AGPAT4: variants seen among roughly 807,000 people sequenced by gnomAD.
AGPAT4 encodes 1-acyl-sn-glycerol-3-phosphate acyltransferase delta.
AGPAT4 carries 15 observed loss-of-function variants against 48.0 expected under a neutral mutation model. The ratio of observed to expected loss-of-function variants is 0.31; its 90% CI spans 0.21 to 0.48. The LOEUF is 0.48. AGPAT4 is among the 20% of genes least tolerant of loss of function. The probability of loss-of-function intolerance (pLI) is 0.99; values close to 1 mark genes in which losing one functional copy is unlikely to be tolerated. For missense variants in AGPAT4, 314 were observed against 482.5 expected (o/e 0.65, Z 3.27); for synonymous variants, 178 against 198.7 (o/e 0.90, Z 0.88).
Position 161,197,493 on chromosome 6 carries a change from G to A in AGPAT4, c.179-31076C>T, listed in dbSNP as rs574742424. On this transcript the variant is annotated intron_variant, in intron 2 of 8. Coordinates refer to ENST00000320285, the MANE Select transcript of AGPAT4 (RefSeq NM_020133.3). The surrounding 1 kb of genome is among the most constrained non-coding windows in gnomAD (Gnocchi z 5.7). ...TAGCTGCCTCTTCCGACTCCCAAAT[G>A]CTCCCAATGCACCCAACAGGCTCTC... 6.6e-6 allele frequency among the ~76,000 whole-genome samples: 1 copy of A among 152,192 alleles called. No homozygotes were observed. The highest frequency in any genetic ancestry group is 2.1e-4 in the South Asian group (1 of 4,816).
rs1779250943 is a variant in AGPAT4 at position 161,141,577 on chromosome 6, CTTGT to C, written c.844-1961_844-1958del. ...GACAAGGGGGGTGATATTTTTGTGCCTTGTTTTTTTTTAAAAAAAAAACAGCTTT... is the reference window on the plus strand; with the variant it reads ...GACAAGGGGGGTGATATTTTTGTGCCTTTTTTTTAAAAAAAAAACAGCTTT... On this transcript the variant is annotated intron_variant, in intron 7 of 8. Coordinates refer to ENST00000320285, the MANE Select transcript of AGPAT4 (RefSeq NM_020133.3). The surrounding 1 kb of genome is among the most constrained non-coding windows in gnomAD (Gnocchi z 6.7). Among the ~76,000 whole-genome samples the C allele has an allele frequency of 6.6e-6, 1 of 151,196 alleles. No individual in the cohort carries two copies. The highest frequency in any genetic ancestry group is 1.5e-5 in the Non-Finnish European group (1 of 67,938).
chr6:161,167,866 C>T (rs1018685779), intron 2 of AGPAT4, among the ~76,000 whole-genome samples: 5 of 152,222 alleles, frequency 3.3e-5, no homozygotes, highest in African/African-American at 1.2e-4. Context: ...GCACCTAACA[C>T]ATAGTATGTG....
In AGPAT4 at chr6:161,223,114, C is replaced by A. The variant is rs1160913184; in HGVS notation, c.178+8922G>T. ...CTCCAGTCTAATCATCAACTCACTG[C>A]TCTACCATGCTGGGTCTATGAGCCT... On this transcript the variant is annotated intron_variant, in intron 2 of 8. Transcript: ENST00000320285. This position sits in a 1 kb window ranked among gnomAD's most constrained non-coding sequence, Gnocchi z 6.3. 6.6e-6 allele frequency among the ~76,000 whole-genome samples: 1 copy of A among 152,134 alleles called. No individual in the cohort carries two copies. The highest frequency in any genetic ancestry group is 1.5e-5 in the Non-Finnish European group (1 of 68,028).
rs938181186 is a variant in AGPAT4, at chr6:161,200,640, C to T, written c.178+31396G>A. Among the ~76,000 whole-genome samples the T allele has an allele frequency of 2.0e-5, 3 of 152,186 alleles. No individual in the cohort carries two copies. The highest frequency in any genetic ancestry group is 1.3e-4 in the Admixed American group (2 of 15,282). ...GGCACCTCTTCTTTTCTTCAATAAT[C>T]ATATTTACTATGTTGACTAGGGACA... On this transcript the variant is annotated intron_variant, in intron 2 of 8. Coordinates refer to ENST00000320285, the MANE Select transcript of AGPAT4 (RefSeq NM_020133.3). This position sits in a 1 kb window ranked among gnomAD's most constrained non-coding sequence, Gnocchi z 5.5.
At position 161,139,692 on chromosome 6, in the gene AGPAT4, TC is replaced by T; in HGVS notation, c.844-73del. ...GGCAGGTCCCTCCCGAGGCCCTGCT[TC>T]CAAGGGAATCGCAGAGATACACAGG... On this transcript the variant is annotated intron_variant, in intron 7 of 8. Coordinates refer to ENST00000320285, the MANE Select transcript of AGPAT4 (RefSeq NM_020133.3). The surrounding 1 kb of genome is among the most constrained non-coding windows in gnomAD (Gnocchi z 9.1). 7.3e-7 allele frequency: 1 copy of T among 1,370,298 alleles called. No homozygotes were observed. The highest frequency in any genetic ancestry group is 1.4e-5 in the South Asian group (1 of 72,720). 84.9% of individuals were successfully genotyped at this position (1,370,298 alleles called of 1,614,324 possible). A position where few individuals can be genotyped will look rare whatever the true frequency, so the allele number is the denominator to read the frequency against.
intron 2 of AGPAT4, among the ~76,000 whole-genome samples, chr6:161,176,886 C>T (rs1780444764): frequency 1.3e-5 from 2 of 152,090 alleles, no homozygotes; most frequent in African/African-American, 2.4e-5. Context: ...GATTTTATTT[C>T]TCCTTTACTT....
Position 161,249,148 on chromosome 6 carries a change from C to T in AGPAT4, c.-89-16846G>A. The stretch of plus-strand genomic sequence containing the variant: ...TTGAAACTGGACACCTTCCTTATGC[C>T]ATATACAAAAATTAACCCAAGATGG... On this transcript the variant is annotated intron_variant, in intron 1 of 8. Coordinates refer to ENST00000320285, the MANE Select transcript of AGPAT4 (RefSeq NM_020133.3). This position sits in a 1 kb window ranked among gnomAD's most constrained non-coding sequence, Gnocchi z 6.2. Among the ~76,000 whole-genome samples the T allele has an allele frequency of 6.6e-6, 1 of 152,258 alleles. No homozygotes were observed. Among genetic ancestry groups the T allele is most frequent in the East Asian group, 1.9e-4 (1 of 5,190 alleles).
Position 161,149,525 on chromosome 6 carries a change from C to T in AGPAT4, c.665-236G>A, listed in dbSNP as rs1266141930. On this transcript the variant is annotated intron_variant, in intron 5 of 8. Transcript: ENST00000320285. This position sits in a 1 kb window ranked among gnomAD's most constrained non-coding sequence, Gnocchi z 6.5. ...TAGAAAACAGGGTCATTGCTGAAGT[C>T]AGATCATTTTTTTCTTTTCTTTCTT... 6.6e-6 allele frequency among the ~76,000 whole-genome samples: 1 copy of T among 152,036 alleles called. No homozygotes were observed.
chr6:161,199,766 G>T (rs1194344664), intron 2 of AGPAT4, among the ~76,000 whole-genome samples: 1 of 152,182 alleles, frequency 6.6e-6, no homozygotes, highest in Non-Finnish European at 1.5e-5. Context: ...ACGTAAAGAT[G>T]TGTCTGCTTC....
At position 161,180,675 on chromosome 6, in the gene AGPAT4, GT is replaced by G; in HGVS notation, c.179-14259del. Among the ~76,000 whole-genome samples the G allele has an allele frequency of 6.6e-6, 1 of 152,136 alleles. No individual in the cohort carries two copies. Reference sequence around the variant, plus strand: ...CAAAATGCAAAAGCGAAGCTACTAAGTTTCTGGTGCCTGAATGTGGTGTCAT... The same window carrying G: ...CAAAATGCAAAAGCGAAGCTACTAAGTTCTGGTGCCTGAATGTGGTGTCAT... On this transcript the variant is annotated intron_variant, in intron 2 of 8. Transcript: ENST00000320285. The surrounding 1 kb of genome is among the most constrained non-coding windows in gnomAD (Gnocchi z 6.4).
chr6:161,138,155 G>T lies in AGPAT4; in HGVS notation c.1042+1267C>A, dbSNP rs1779133781. Among the ~76,000 whole-genome samples the T allele has an allele frequency of 6.6e-6, 1 of 152,230 alleles. No homozygotes were observed. Among genetic ancestry groups the T allele is most frequent in the South Asian group, 2.1e-4 (1 of 4,832 alleles). ...AGCCTCAGCATGGCGGGGCATGGGG[G>T]TGCCCCTGGACCTGCCTTAAGGAGA... On this transcript the variant is annotated intron_variant, in intron 8 of 8. Transcript: ENST00000320285. This position sits in a 1 kb window ranked among gnomAD's most constrained non-coding sequence, Gnocchi z 4.8.
chr6:161,232,315 C>T lies in AGPAT4; in HGVS notation c.-89-13G>A. On this transcript the variant is annotated splice_polypyrimidine_tract_variant and intron_variant, in intron 1 of 8. Coordinates refer to ENST00000320285, the MANE Select transcript of AGPAT4 (RefSeq NM_020133.3). This position sits in a 1 kb window ranked among gnomAD's most constrained non-coding sequence, Gnocchi z 6.8. Reference sequence around the variant, plus strand: ...CTCAGGAAGGCGTCTAAAACACAAACAAATAGGAAATGTTAGCAAAAACAC... The same window carrying T: ...CTCAGGAAGGCGTCTAAAACACAAATAAATAGGAAATGTTAGCAAAAACAC... 1 of 1,173,750 alleles carries T rather than the reference C, an allele frequency of 8.5e-7. No individual in the cohort carries two copies. The highest frequency in any genetic ancestry group is 1.5e-5 in the African/African-American group (1 of 64,694). The allele number at this position is 1,173,750 out of a possible 1,614,324, so 72.7% of individuals were successfully genotyped here.
rs918511291 is a variant in AGPAT4, at chr6:161,235,829, C to T, written c.-89-3527G>A. ...AGTGCTAAACCATTCATGAGAACTC[C>T]GCCCCCGTGATCCAATCAGCTCCCA... On this transcript the variant is annotated intron_variant, in intron 1 of 8. Coordinates refer to ENST00000320285, the MANE Select transcript of AGPAT4 (RefSeq NM_020133.3). The surrounding 1 kb of genome is among the most constrained non-coding windows in gnomAD (Gnocchi z 6.2). 2.6e-5 allele frequency among the ~76,000 whole-genome samples: 4 copies of T among 152,160 alleles called. No homozygotes were observed. The highest frequency in any genetic ancestry group is 5.9e-5 in the Non-Finnish European group (4 of 68,028).
Position 161,166,355 on chromosome 6 carries a change from C to A in AGPAT4, c.241G>T (p.Ala81Ser). Residue 81 changes from alanine (A) to serine (S), a missense_variant, in exon 3 of 9, where the codon GCC becomes TCC. Transcript: ENST00000320285. This position sits in a 1 kb window ranked among gnomAD's most constrained non-coding sequence, Gnocchi z 6.7. ...TECTIFTDPR[A>S]YLKYGKENAI... Reference sequence around the variant, plus strand: ...TTTTCCTTCCCATACTTGAGGTAGGCGCGCGGGTCCGTGAAGATGGTGCAT... The same window carrying A: ...TTTTCCTTCCCATACTTGAGGTAGGAGCGCGGGTCCGTGAAGATGGTGCAT... The A allele has an allele frequency of 1.2e-6, 2 of 1,614,054 alleles. No homozygotes were observed. Among genetic ancestry groups the A allele is most frequent in the Non-Finnish European group, 1.7e-6 (2 of 1,179,992 alleles).
In AGPAT4 at chr6:161,251,152, A is replaced by AT. The variant is rs1228994114; in HGVS notation, c.-89-18851dup. 9.2e-5 allele frequency among the ~76,000 whole-genome samples: 14 copies of AT among 152,130 alleles called. No homozygotes were observed. Among genetic ancestry groups the AT allele is most frequent in the African/African-American group, 2.9e-4 (12 of 41,428 alleles). ...GCAGAAAACTGATAAATGTTCACTC[A>AT]TTTTATCTAGTTTTTCTATAGTTAA... is the stretch of plus-strand genomic sequence containing the variant. On this transcript the variant is annotated intron_variant, in intron 1 of 8. Transcript: ENST00000320285. This position sits in a 1 kb window ranked among gnomAD's most constrained non-coding sequence, Gnocchi z 4.6.
Position 161,219,946 on chromosome 6 carries a change from G to GACAGACAGA in AGPAT4, c.178+12089_178+12090insTCTGTCTGT, listed in dbSNP as rs1562344037. ...GGCAGGCAGGCAGGCAGGCAGGCAG[G>GACAGACAGA]CAGACAGACAGACAGACAGACAGGC... On this transcript the variant is annotated intron_variant, in intron 2 of 8. Transcript: ENST00000320285. This position sits in a 1 kb window ranked among gnomAD's most constrained non-coding sequence, Gnocchi z 4.9. Among the ~76,000 whole-genome samples the GACAGACAGA allele has an allele frequency of 2.8e-5, 4 of 143,834 alleles. No individual in the cohort carries two copies. The highest frequency in any genetic ancestry group is 2.2e-4 in the South Asian group (1 of 4,518). The allele number at this position is 143,834 out of a possible 152,430, so 94.4% of individuals were successfully genotyped here.
chr6:161,252,891 C>A (rs773750670), intron 1 of AGPAT4, among the ~76,000 whole-genome samples: 1 of 152,070 alleles, frequency 6.6e-6, no homozygotes, highest in Admixed American at 6.5e-5. Flanking sequence ...TGTTTAGTGA[C>A]ACAAAGATGC....
intron 2 of AGPAT4, among the ~76,000 whole-genome samples, chr6:161,190,458 AAGG>A (rs778317651): frequency 7.2e-5 from 11 of 152,190 alleles, no homozygotes; most frequent in South Asian, 2.1e-4. Flanking sequence ...CCCATTAAAA[AAGG>A]TTAAAGAAAA....
Position 161,141,822 on chromosome 6 carries a change from A to C in AGPAT4, c.844-2202T>G, listed in dbSNP as rs1189933087. Among the ~76,000 whole-genome samples, 1 of 151,938 alleles carries C rather than the reference A, an allele frequency of 6.6e-6. No individual in the cohort carries two copies. Among genetic ancestry groups the C allele is most frequent in the African/African-American group, 2.4e-5 (1 of 41,338 alleles). ...GCACCTCTAGCAAGAAGAAAAAAGC[A>C]CTCCCTTTTCTAGGAGCTTCCCAAC... On this transcript the variant is annotated intron_variant, in intron 7 of 8. Coordinates refer to ENST00000320285, the MANE Select transcript of AGPAT4 (RefSeq NM_020133.3). The surrounding 1 kb of genome is among the most constrained non-coding windows in gnomAD (Gnocchi z 6.7).
Sources: gnomAD v4.1 joint callset for allele counts (sites outside exome capture counted in the v4.1 genomes callset) on GRCh38, gnomAD v4.1.1 for gene constraint, Gnocchi (gnomAD v3.1) non-coding constraint, MANE v1.5 for transcripts, NCBI Gene and HGNC (gene_info 2026-07-23, HGNC 2026-07-21) for gene names.